The following LRRC4C variants were observed in gnomAD, a reference collection of about 807,000 sequenced individuals.
The protein encoded by LRRC4C is leucine-rich repeat-containing protein 4C.
Under a neutral mutation model 33.6 loss-of-function variants are expected in LRRC4C, and 5 were observed. The observed-to-expected ratio is 0.15, with a 90% CI of 0.08 to 0.31. LRRC4C has a LOEUF of 0.31. LRRC4C is among the 10% of genes least tolerant of loss of function. The pLI, the probability that LRRC4C is intolerant of heterozygous loss-of-function variation, is 1.00. For synonymous variants in LRRC4C, 329 were observed against 302.0 expected (o/e 1.09, Z -0.93); for missense variants, 560 against 796.7 (o/e 0.70, Z 3.58).
intron 2 of LRRC4C, among the ~76,000 whole-genome samples, chr11:40,910,141 G>T (rs1307213344): frequency 6.6e-6 from 1 of 152,086 alleles, no homozygotes; most frequent in Admixed American, 6.5e-5. Context: ...CTAAGGAAAA[G>T]ACTCTCATGC....
intron 1 of LRRC4C, among the ~76,000 whole-genome samples, chr11:41,400,225 A>G (rs1953974208): frequency 6.6e-6 from 1 of 152,092 alleles, no homozygotes; most frequent in East Asian, 1.9e-4. Context: ...GTGCATAGGA[A>G]TAACTCCTGT....
At chr11:41,128,172 G>T (rs1275959837) in intron 1 of LRRC4C, among the ~76,000 whole-genome samples, 1 of 151,948 alleles carries the variant, frequency 6.6e-6, no homozygotes, top group Non-Finnish European at 1.5e-5. Flanking sequence ...TATCATTCAG[G>T]CCTTCAATTT....
chr11:40,119,288 T>G (rs1226947969), intron 6 of LRRC4C, among the ~76,000 whole-genome samples: 1 of 152,200 alleles, frequency 6.6e-6, no homozygotes, highest in Non-Finnish European at 1.5e-5. Flanking sequence ...CTCCATTGCT[T>G]TCTGGCTTCA....
intron 3 of LRRC4C, among the ~76,000 whole-genome samples, chr11:40,320,036 T>C (rs1945764857): frequency 6.6e-6 from 1 of 152,154 alleles, no homozygotes; most frequent in Non-Finnish European, 1.5e-5. Context: ...TGTCATTGCA[T>C]TTTATTGAAA....
At chr11:40,509,023 T>C (rs1187647037) in intron 3 of LRRC4C, among the ~76,000 whole-genome samples, 2 of 152,194 alleles carry the variant, frequency 1.3e-5, no homozygotes, top group South Asian at 2.1e-4. Flanking sequence ...GAAATATATG[T>C]TGACATGTCT....
intron 3 of LRRC4C, among the ~76,000 whole-genome samples, chr11:40,612,357 G>A (rs1449769166): frequency 6.6e-6 from 1 of 151,878 alleles, no homozygotes; most frequent in African/African-American, 2.4e-5. Flanking sequence ...GAAGCAGAAA[G>A]TACAATAGTG....
intron 2 of LRRC4C, among the ~76,000 whole-genome samples, chr11:40,678,523 T>A (rs541389170): frequency 5.0e-4 from 76 of 152,278 alleles, no homozygotes; most frequent in Middle Eastern, 6.8e-3. Flanking sequence ...CCAAATCTCA[T>A]CTTGAATTGT....
intron 5 of LRRC4C, among the ~76,000 whole-genome samples, chr11:40,172,508 T>C (rs916679260): frequency 6.6e-6 from 1 of 152,162 alleles, no homozygotes; most frequent in African/African-American, 2.4e-5. Flanking sequence ...CCAAATTCTT[T>C]TTTTTTTAAG....
At chr11:41,342,484 G>T (rs774350667) in intron 1 of LRRC4C, among the ~76,000 whole-genome samples, 9 of 152,148 alleles carry the variant, frequency 5.9e-5, no homozygotes, top group African/African-American at 1.9e-4. Flanking sequence ...GGAGGCTGAG[G>T]GGGGTGGACC....
chr11:40,900,603 C>G (rs183145738), intron 2 of LRRC4C, among the ~76,000 whole-genome samples: 80 of 151,760 alleles, frequency 5.3e-4, no homozygotes, highest in African/African-American at 1.7e-3. Context: ...TTCTCTGTTT[C>G]CAAAATGACA....
At chr11:41,354,631 C>T (rs1952094709) in intron 1 of LRRC4C, among the ~76,000 whole-genome samples, 1 of 151,666 alleles carries the variant, frequency 6.6e-6, no homozygotes, top group Non-Finnish European at 1.5e-5. Flanking sequence ...TGAAATTATA[C>T]TACAGCATGA....
chr11:40,490,401 G>A (rs1954087068), intron 3 of LRRC4C, among the ~76,000 whole-genome samples: 1 of 152,096 alleles, frequency 6.6e-6, no homozygotes, highest in South Asian at 2.1e-4. Context: ...AATTCTGAAT[G>A]TCTCTGGGAT....
At chr11:40,285,287 A>G (rs1245733551) in intron 4 of LRRC4C, among the ~76,000 whole-genome samples, 1 of 152,178 alleles carries the variant, frequency 6.6e-6, no homozygotes, top group Non-Finnish European at 1.5e-5. Context: ...TTAGGAAAAC[A>G]GAAGGAGGAT....
At chr11:41,437,647 T>C (rs899669260) in intron 1 of LRRC4C, among the ~76,000 whole-genome samples, 2 of 152,226 alleles carry the variant, frequency 1.3e-5, no homozygotes, top group Non-Finnish European at 2.9e-5. Flanking sequence ...TTTTCCTTAT[T>C]CACTCATTAC....
intron 1 of LRRC4C, among the ~76,000 whole-genome samples, chr11:41,053,483 T>G (rs893251115): frequency 1.3e-5 from 2 of 152,224 alleles, no homozygotes; most frequent in African/African-American, 4.8e-5. Flanking sequence ...ACTGACACTT[T>G]GACTGCAGCC....
intron 1 of LRRC4C, among the ~76,000 whole-genome samples, chr11:40,995,879 C>T (rs547168725): frequency 4.3e-4 from 65 of 152,230 alleles, no homozygotes; most frequent in Non-Finnish European, 7.9e-4. Context: ...CTTTGTTTAT[C>T]CCTGCTATGA....
chr11:41,346,825 A>T (rs908071205), intron 1 of LRRC4C, among the ~76,000 whole-genome samples: 4 of 152,232 alleles, frequency 2.6e-5, no homozygotes, highest in African/African-American at 9.6e-5. Flanking sequence ...TAAAGTACCA[A>T]CTGGGACACC....
chr11:41,271,856 G>C (rs1174664702), intron 1 of LRRC4C, among the ~76,000 whole-genome samples: 1 of 152,090 alleles, frequency 6.6e-6, no homozygotes, highest in East Asian at 1.9e-4. Context: ...AGAGAGGAAG[G>C]AATGAATGCT....
chr11:40,843,724 TCAAA>T (rs1322352790), intron 2 of LRRC4C, among the ~76,000 whole-genome samples: 4 of 152,216 alleles, frequency 2.6e-5, no homozygotes, highest in African/African-American at 9.6e-5. Flanking sequence ...AGCAGTATGC[TCAAA>T]ATTTTAGAAA....
Sources: allele counts gnomAD v4.1 joint callset (sites outside exome capture counted in the v4.1 genomes callset), GRCh38; gene constraint gnomAD v4.1.1; transcripts MANE v1.5; gene names NCBI Gene and HGNC (gene_info 2026-07-23, HGNC 2026-07-21).